The following PCNX4 variants were observed in gnomAD, a reference collection of about 807,000 sequenced individuals.
PCNX4 encodes pecanex 4.
Under a neutral mutation model 107.2 loss-of-function variants are expected in PCNX4, and 103 were observed. The ratio of observed to expected loss-of-function variants is 0.96; its 90% CI spans 0.82 to 1.13. The LOEUF (loss-of-function observed/expected upper bound fraction) is 1.13, where lower values mean the gene tolerates loss of function less well. Among genes scored for constraint, PCNX4 ranks in the 50% most tolerant of loss-of-function variants. PCNX4 has a pLI of 0.00. For missense variants in PCNX4, 1,528 were observed against 1,379.4 expected, an observed-to-expected ratio of 1.11 and a Z score of -1.71; for synonymous variants, 541 against 481.7, an observed-to-expected ratio of 1.12 and a Z score of -1.61.
intron 1 of PCNX4, among the ~76,000 whole-genome samples, chr14:60,103,637 C>T (rs925259457): frequency 1.1e-4 from 16 of 152,210 alleles, no homozygotes; most frequent in African/African-American, 2.9e-4. Context: ...CTTGATTTCT[C>T]CCACTTTATT....
intron 6 of PCNX4, among the ~76,000 whole-genome samples, chr14:60,116,718 T>G (rs755936254): frequency 3.9e-5 from 6 of 152,146 alleles, no homozygotes; most frequent in Non-Finnish European, 7.4e-5. Context: ...AAGTTGACTG[T>G]AAAACAGCCT....
rs1895817733 is a variant in PCNX4, at chr14:60,115,069, G to A, written c.965G>A (p.Gly322Asp). The A allele has an allele frequency of 1.9e-6, 3 of 1,613,466 alleles. No individual in the cohort carries two copies. The highest frequency in any genetic ancestry group is 2.5e-6 in the Non-Finnish European group (3 of 1,179,824). ...VGVVLFMTGF[G>D]FLLSLNLSDM... The stretch of plus-strand genomic sequence containing the variant: ...GTGGTTCTTTTCATGACTGGATTTG[G>A]TTTCTTGCTGAGTCTGAACTTAAGT... The change falls in exon 4 of 11, where the codon GGT becomes GAT. Residue 322 changes from glycine (G) to aspartate (D), a missense_variant. By Grantham distance (94) the Gly-to-Asp change is moderately conservative (BLOSUM62 -1). Transcript: ENST00000406854.
Position 60,141,863 on chromosome 14 carries a change from CTTTCA to C in PCNX4, c.*7647_*7651del, listed in dbSNP as rs1217167294. Reference sequence around the variant, plus strand: ...TTACAAGTCTTTATGTGGACATAAGCTTTCATTTCTCTTGGGCAAATACCTAGGAC... The same window carrying C: ...TTACAAGTCTTTATGTGGACATAAGCTTTCTCTTGGGCAAATACCTAGGAC... On this transcript the variant is annotated 3_prime_UTR_variant, in exon 11 of 11. Coordinates refer to ENST00000406854, the MANE Select transcript of PCNX4 (RefSeq NM_001330177.2). 6.6e-6 allele frequency: 1 copy of C among 152,076 alleles called. No individual in the cohort carries two copies. The highest frequency in any genetic ancestry group is 2.4e-5 in the African/African-American group (1 of 41,412). 9.4% of individuals were successfully genotyped at this position (152,076 alleles called of 1,614,324 possible).
At chr14:60,120,257 T>C (rs897445382) in intron 7 of PCNX4, among the ~76,000 whole-genome samples, 12 of 152,212 alleles carry the variant, frequency 7.9e-5, no homozygotes, top group African/African-American at 2.4e-4. Flanking sequence ...GTGTGATATG[T>C]TGACTGCCAG....
At chr14:60,126,966 A>T (rs1896066510) in intron 10 of PCNX4, among the ~76,000 whole-genome samples, 1 of 152,234 alleles carries the variant, frequency 6.6e-6, no homozygotes, top group Admixed American at 6.5e-5. Flanking sequence ...AGAGAGAAGC[A>T]TGCTATCGCC....
chr14:60,108,413 T>C (rs1042451501), intron 2 of PCNX4, 86 bp downstream of exon 2: 1 of 1,002,306 alleles, frequency 1.0e-6, no homozygotes, highest in Non-Finnish European at 1.5e-6. Context: ...TACAAAAAAA[T>C]GAATCCATGG....
In PCNX4 at chr14:60,139,842, A is replaced by G. The variant is rs1896286730; in HGVS notation, c.*5621A>G. The G allele has an allele frequency of 6.6e-6, 1 of 152,138 alleles. No individual in the cohort carries two copies. Among genetic ancestry groups the G allele is most frequent in the Non-Finnish European group, 1.5e-5 (1 of 67,976 alleles). 9.4% of individuals were successfully genotyped at this position (152,138 alleles called of 1,614,324 possible). ...CTCATGGATCAGACAATAAATTACAATGAAAATTAGAATATATTTGAACTG... is the reference window on the plus strand; with the variant it reads ...CTCATGGATCAGACAATAAATTACAGTGAAAATTAGAATATATTTGAACTG... On this transcript the variant is annotated 3_prime_UTR_variant, in exon 11 of 11. Coordinates refer to ENST00000406854, the MANE Select transcript of PCNX4 (RefSeq NM_001330177.2).
chr14:60,131,835 A>G (rs897941654), intron 10 of PCNX4, among the ~76,000 whole-genome samples: 4 of 152,252 alleles, frequency 2.6e-5, no homozygotes, highest in African/African-American at 9.6e-5. Flanking sequence ...GTACTGGCAT[A>G]ATGATAGACA....
At position 60,124,663 on chromosome 14, in the gene PCNX4, C is replaced by T. The variant is rs1483673198; in HGVS notation, c.2492C>T (p.Pro831Leu). The change falls in exon 9 of 11, where the codon CCA (proline) becomes CTA (leucine). Residue 831 changes from proline to leucine, a missense_variant. Pro to Leu is a moderately conservative substitution (Grantham distance 98). Transcript: ENST00000406854. ...GATGATAATATTTTTGATGATGAGC[C>T]AACTATCAAAAAAGTAATAGAAGAA... The part of the protein sequence containing the change: ...WSDDNIFDDE[P>L]TIKKVIEEKH... 2.5e-6 allele frequency: 4 copies of T among 1,613,314 alleles called. No individual in the cohort carries two copies. Among genetic ancestry groups the T allele is most frequent in the Non-Finnish European group, 3.4e-6 (4 of 1,179,638 alleles).
intron 1 of PCNX4, among the ~76,000 whole-genome samples, chr14:60,097,343 C>T (rs1895444276): frequency 6.6e-6 from 1 of 152,134 alleles, no homozygotes; most frequent in Admixed American, 6.5e-5. Flanking sequence ...GAGGAAGCAA[C>T]CCCTGAGAGC....
intron 2 of PCNX4, among the ~76,000 whole-genome samples, chr14:60,111,611 C>G (rs1367065713): frequency 1.3e-5 from 2 of 152,018 alleles, no homozygotes; most frequent in Non-Finnish European, 2.9e-5. Flanking sequence ...AATTGAATGC[C>G]TGATGTAATC....
chr14:60,127,878 T>C (rs970547911), intron 10 of PCNX4, among the ~76,000 whole-genome samples: 4 of 151,980 alleles, frequency 2.6e-5, no homozygotes, highest in Admixed American at 2.0e-4. Flanking sequence ...GTTGAAGAAA[T>C]AAAGGACAGT....
In PCNX4 at chr14:60,118,521, C is replaced by G; in HGVS notation, c.1771C>G (p.Leu591Val). The G allele has an allele frequency of 1.9e-6, 3 of 1,613,838 alleles. No individual in the cohort carries two copies. The East Asian group carries it at 6.7e-5, about 36-fold the overall frequency. Residue 591 changes from leucine (L) to valine (V), a missense_variant, in exon 7 of 11, where the codon CTC becomes GTC. Physicochemically the swap from Leu to Val is conservative, Grantham distance 32 (BLOSUM62 1). Transcript: ENST00000406854. ...TTCTACACTACTCTCTTCTCCCTTA[C>G]TCCCTCTTTTCACCCTTCCTGTGTT... ...VFSTLLSSPL[L>V]PLFTLPVFLV...
At chr14:60,123,304 AATTAT>A (rs1406385902) in intron 8 of PCNX4, among the ~76,000 whole-genome samples, 6 of 152,046 alleles carry the variant, frequency 3.9e-5, no homozygotes, top group Non-Finnish European at 8.8e-5. Flanking sequence ...ATCTATTAAC[AATTAT>A]ATTAATACTT....
chr14:60,133,742 A>G, intron 10 of PCNX4: 1 of 634,086 alleles, frequency 1.6e-6, no homozygotes, highest in Non-Finnish European at 2.8e-6. Flanking sequence ...GGTGATTGAG[A>G]TGGCTGCCAG....
At chr14:60,114,112 G>A (rs916464064) in intron 2 of PCNX4, among the ~76,000 whole-genome samples, 1 of 152,150 alleles carries the variant, frequency 6.6e-6, no homozygotes, top group African/African-American at 2.4e-5. Context: ...CCTGAGTTGC[G>A]CATTTCTGAT....
intron 10 of PCNX4, 169 bp downstream of exon 10, chr14:60,125,992 T>A: frequency 2.2e-6 from 1 of 463,290 alleles, no homozygotes; most frequent in Non-Finnish European, 3.6e-6. Context: ...AGATGAACTC[T>A]AGAATAGCTG....
At chr14:60,117,924 G>C (rs77598492) in intron 6 of PCNX4, among the ~76,000 whole-genome samples, 11 of 152,238 alleles carry the variant, frequency 7.2e-5, no homozygotes, top group African/African-American at 2.2e-4. Flanking sequence ...GCTTCTCTCT[G>C]TGGGTAGTTT....
rs530148600 is a variant in PCNX4 at position 60,135,048 on chromosome 14, T to A, written c.*827T>A. ...AGTCAGAAGGAGATGGAAGAAAATT[T>A]TTATAATACGATCTGAATTTTATTT... On this transcript the variant is annotated 3_prime_UTR_variant, in exon 11 of 11. Transcript: ENST00000406854. The A allele has an allele frequency of 6.6e-6, 1 of 152,238 alleles. No individual in the cohort carries two copies. Among genetic ancestry groups the A allele is most frequent in the Non-Finnish European group, 1.5e-5 (1 of 68,034 alleles). 9.4% of individuals were successfully genotyped at this position (152,238 alleles called of 1,614,324 possible).
Sources: allele counts gnomAD v4.1 joint callset (sites outside exome capture counted in the v4.1 genomes callset), GRCh38; gene constraint gnomAD v4.1.1; transcripts MANE v1.5; gene names NCBI Gene and HGNC (gene_info 2026-07-23, HGNC 2026-07-21).